Variants in ALDH3A2 observed in about 807,000 individuals in gnomAD.
ALDH3A2 encodes aldehyde dehydrogenase family 3 member A2.
In ALDH3A2, 36 loss-of-function variants were observed where a neutral mutation model predicts 51.3. The observed-to-expected ratio is 0.70, with a 90% CI of 0.54 to 0.93. The LOEUF is 0.93. Among genes scored for constraint, ALDH3A2 ranks in the 40% least tolerant of loss-of-function variants. The probability of loss-of-function intolerance (pLI) is 0.00; values close to 1 mark genes in which losing one functional copy is unlikely to be tolerated. For missense variants in ALDH3A2, 552 were observed against 603.1 expected (o/e 0.92, Z 0.89); for synonymous variants, 199 against 219.8 (o/e 0.91, Z 0.84).
intron 1 of ALDH3A2, among the ~76,000 whole-genome samples, chr17:19,650,964 A>G (rs922372149): frequency 6.6e-6 from 1 of 152,220 alleles, no homozygotes; most frequent in Non-Finnish European, 1.5e-5. Context: ...GGGGTAATTA[A>G]GATTCCAAAA....
chr17:19,660,493 GT>G (rs796677020), intron 5 of ALDH3A2, among the ~76,000 whole-genome samples: 8 of 152,168 alleles, frequency 5.3e-5, no homozygotes, highest in African/African-American at 1.7e-4. Flanking sequence ...CAGTAATTTT[GT>G]TTGTTTTACT....
intron 8 of ALDH3A2, among the ~76,000 whole-genome samples, chr17:19,667,944 CATGATCAGTAT>C (rs1284910061): frequency 5.3e-5 from 8 of 152,198 alleles, no homozygotes; most frequent in African/African-American, 1.9e-4. Context: ...TTTATATTCC[CATGATCAGTAT>C]ATGAGTGTTT....
chr17:19,655,322 T>C (rs2084880396), intron 3 of ALDH3A2: 1 of 152,144 alleles, frequency 6.6e-6, no homozygotes, highest in Non-Finnish European at 1.5e-5. Flanking sequence ...TCAAGAAAGA[T>C]GAAATGGAAG....
intron 8 of ALDH3A2, among the ~76,000 whole-genome samples, chr17:19,665,975 A>G (rs1379723191): frequency 1.3e-5 from 2 of 152,062 alleles, no homozygotes; most frequent in Non-Finnish European, 2.9e-5. Context: ...AGGAGCCTTG[A>G]CCTATATAGC....
chr17:19,660,406 G>A (rs941035585), intron 5 of ALDH3A2, among the ~76,000 whole-genome samples: 1 of 152,080 alleles, frequency 6.6e-6, no homozygotes, highest in Non-Finnish European at 1.5e-5. Context: ...TCTTGGTAGA[G>A]GTTGGATGAA....
At chr17:19,661,058 G>C (rs768381742) in intron 5 of ALDH3A2, 69 bp from the exon 6 acceptor site, 3 of 1,508,638 alleles carry the variant, frequency 2.0e-6, no homozygotes, top group Non-Finnish European at 2.8e-6. Context: ...GGCATGGCTG[G>C]ATTTTGTACT....
At chr17:19,665,163 T>G (rs1257491793) in intron 8 of ALDH3A2, 116 bp downstream of exon 8, 2 of 904,140 alleles carry the variant, frequency 2.2e-6, no homozygotes, top group East Asian at 5.7e-5. Flanking sequence ...TGTCCTCTCC[T>G]GAGGGAGACC....
At chr17:19,663,267 G>A in intron 6 of ALDH3A2, 66 bp from the exon 7 acceptor site, 1 of 1,558,058 alleles carries the variant, frequency 6.4e-7, no homozygotes, top group Non-Finnish European at 8.8e-7. Context: ...CAATGAAAGA[G>A]ATGTAATATG....
At chr17:19,663,550 T>C (rs2084997010) in intron 7 of ALDH3A2, 51 bp downstream of exon 7, 2 of 1,589,138 alleles carry the variant, frequency 1.3e-6, no homozygotes, top group African/African-American at 1.3e-5. Flanking sequence ...TCAAGAGTCA[T>C]GTTCCTTCTT....
chr17:19,648,227 T>C (rs1295922006), upstream of ALDH3A2: 4 of 152,394 alleles, frequency 2.6e-5, no homozygotes, highest in African/African-American at 9.6e-5. Flanking sequence ...AACCCCGGCT[T>C]CCCGCCCTCA....
chr17:19,658,744 TC>T (rs1421883063), intron 5 of ALDH3A2, among the ~76,000 whole-genome samples: 1 of 98,424 alleles, frequency 1.0e-5, no homozygotes, highest in Admixed American at 1.3e-4. Flanking sequence ...CAAGACTCTG[TC>T]TTTAAAAAAA....
intron 3 of ALDH3A2, among the ~76,000 whole-genome samples, chr17:19,653,039 T>G (rs572888496): frequency 6.6e-6 from 1 of 152,076 alleles, no homozygotes; most frequent in African/African-American, 2.4e-5. Flanking sequence ...TGTGATTATA[T>G]AAGAGTACTT....
intron 3 of ALDH3A2, chr17:19,656,112 T>C (rs2084891917): frequency 2.0e-6 from 1 of 496,338 alleles, no homozygotes; most frequent in Non-Finnish European, 3.7e-6. Flanking sequence ...CTTAGTGTCT[T>C]TGTTGCTGAG....
rs2085188512 is a variant in ALDH3A2 at position 19,676,354 on chromosome 17, G to C, written c.*782G>C. ...TTCTACATCTTATAAAACCTAACTG[G>C]CATTTAAAAAATACTGTGGCCGGGC... On this transcript the variant is annotated 3_prime_UTR_variant, in exon 10 of 10. Transcript: ENST00000176643. 1 of 152,176 alleles carries C rather than the reference G, an allele frequency of 6.6e-6. No individual in the cohort carries two copies. Among genetic ancestry groups the C allele is most frequent in the South Asian group, 2.1e-4 (1 of 4,832 alleles). 9.4% of individuals were successfully genotyped at this position (152,176 alleles called of 1,614,324 possible). A position where few individuals can be genotyped will look rare whatever the true frequency, so the allele number is the denominator to read the frequency against.
At chr17:19,650,125 T>G (rs1250066553) in intron 1 of ALDH3A2, among the ~76,000 whole-genome samples, 4 of 152,144 alleles carry the variant, frequency 2.6e-5, no homozygotes, top group Non-Finnish European at 5.9e-5. Context: ...TTGACCAAGC[T>G]GGTCCTGAAC....
chr17:19,668,570 T>C (rs2085070007), intron 8 of ALDH3A2, among the ~76,000 whole-genome samples: 1 of 152,034 alleles, frequency 6.6e-6, no homozygotes, highest in Admixed American at 6.5e-5. Flanking sequence ...GCTTTTTGTT[T>C]TTTGGTTTCC....
At chr17:19,653,784 G>C (rs1007889424) in intron 3 of ALDH3A2, among the ~76,000 whole-genome samples, 2 of 152,284 alleles carry the variant, frequency 1.3e-5, no homozygotes, top group Admixed American at 6.5e-5. Context: ...GCAGGTTGCC[G>C]CTGCTGGCTT....
intron 5 of ALDH3A2, among the ~76,000 whole-genome samples, chr17:19,660,767 A>G (rs1400266705): frequency 1.3e-5 from 2 of 152,222 alleles, no homozygotes; most frequent in African/African-American, 2.4e-5. Context: ...GGCACAGCCA[A>G]TGTGCTAACA....
intron 9 of ALDH3A2, among the ~76,000 whole-genome samples, chr17:19,672,934 G>A (rs902624891): frequency 3.9e-5 from 6 of 152,152 alleles, no homozygotes; most frequent in Middle Eastern, 3.4e-3. Flanking sequence ...CCAGCTACTC[G>A]GGAGGCTGAG....
Sources: allele counts gnomAD v4.1 joint callset (sites outside exome capture counted in the v4.1 genomes callset), GRCh38; gene constraint gnomAD v4.1.1; transcripts MANE v1.5; gene names NCBI Gene and HGNC (gene_info 2026-07-23, HGNC 2026-07-21).